Variants in ZNF624 observed in about 807,000 individuals in gnomAD.
ZNF624 encodes zinc finger protein 624.
In ZNF624, 43 loss-of-function variants were observed where a neutral mutation model predicts 74.7. That is an observed-to-expected ratio of 0.58 (90% CI 0.45 to 0.74). ZNF624 has a LOEUF of 0.74. Ranked by LOEUF, ZNF624 falls within the 30% of genes least tolerant of loss-of-function variation. ZNF624 has a pLI of 0.00. For synonymous variants in ZNF624, 331 were observed against 341.3 expected, an observed-to-expected ratio of 0.97 and a Z score of 0.33; for missense variants, 820 against 1,030.0, an observed-to-expected ratio of 0.80 and a Z score of 2.79.
At chr17:16,634,016 ATTCAGTCTCAGTTC>A in intron 4 of ZNF624, 59 bp from the exon 5 acceptor site, 1 of 1,370,696 alleles carries the variant, frequency 7.3e-7, no homozygotes, top group Non-Finnish European at 1.0e-6. Flanking sequence ...CTCCTGCCAA[ATTCAGTCTCAGTTC>A]TTAATCTTCT....
chr17:16,630,777 C>A (rs1909188399), intron 5 of ZNF624, among the ~76,000 whole-genome samples: 1 of 152,008 alleles, frequency 6.6e-6, no homozygotes, highest in African/African-American at 2.4e-5. Flanking sequence ...ATTTACCATA[C>A]AGATAACAAT....
intron 1 of ZNF624, among the ~76,000 whole-genome samples, chr17:16,650,870 C>T (rs940330547): frequency 1.3e-5 from 2 of 152,272 alleles, no homozygotes; most frequent in East Asian, 1.9e-4. Context: ...CTTCTCATAA[C>T]GTTCAGTAGC....
chr17:16,645,696 A>G (rs1292544505), intron 3 of ZNF624, among the ~76,000 whole-genome samples: 1 of 151,684 alleles, frequency 6.6e-6, no homozygotes, highest in African/African-American at 2.4e-5. Flanking sequence ...TCATGCCTGT[A>G]ATCCCAGCAT....
At chr17:16,624,632 T>A in intron 5 of ZNF624, 123 bp from the exon 6 acceptor site, 1 of 929,988 alleles carries the variant, frequency 1.1e-6, no homozygotes, top group Non-Finnish European at 1.5e-6. Context: ...GCTTTCACAC[T>A]GACTTGTTTT....
chr17:16,648,868 C>T (rs1909654127), intron 2 of ZNF624, among the ~76,000 whole-genome samples: 1 of 152,146 alleles, frequency 6.6e-6, no homozygotes, highest in African/African-American at 2.4e-5. Flanking sequence ...CAAGCTCACC[C>T]ACTGTTCTCT....
intron 5 of ZNF624, among the ~76,000 whole-genome samples, chr17:16,633,616 A>G (rs1185355677): frequency 6.6e-6 from 1 of 152,192 alleles, no homozygotes; most frequent in Admixed American, 6.5e-5. Context: ...AAATAAAATA[A>G]TAATTACGAA....
chr17:16,644,117 G>T (rs535541602), intron 3 of ZNF624, among the ~76,000 whole-genome samples: 1 of 152,124 alleles, frequency 6.6e-6, no homozygotes, highest in African/African-American at 2.4e-5. Flanking sequence ...CCTTTTCACT[G>T]TGAATGGAAG....
chr17:16,617,863 C>T, downstream of ZNF624: 1 of 1,608,368 alleles, frequency 6.2e-7, no homozygotes, highest in East Asian at 2.2e-5. Context: ...CTTAGGCGTC[C>T]TATGTAGACG....
At position 16,622,238 on chromosome 17, in the gene ZNF624, AT is replaced by A; in HGVS notation, c.*49del. The A allele has an allele frequency of 2.2e-6, 3 of 1,382,528 alleles. No homozygotes were observed. Among genetic ancestry groups the A allele is most frequent in the Non-Finnish European group, 1.9e-6 (2 of 1,031,336 alleles). The allele number at this position is 1,382,528 out of a possible 1,614,324, so 85.6% of individuals were successfully genotyped here. On this transcript the variant is annotated 3_prime_UTR_variant, in exon 6 of 6. Transcript: ENST00000311331. Reference sequence around the variant, plus strand: ...TTCCTATATTCATAAAATATAGTTTATAAGATTCATCTTGTGGAGTTGACAT... The same window carrying A: ...TTCCTATATTCATAAAATATAGTTTAAAGATTCATCTTGTGGAGTTGACAT...
intron 5 of ZNF624, among the ~76,000 whole-genome samples, chr17:16,632,005 C>A (rs529407429): frequency 1.1e-4 from 16 of 152,288 alleles, no homozygotes; most frequent in African/African-American, 3.4e-4. Context: ...ACACTTTTCC[C>A]AATAAAAGCT....
At chr17:16,631,181 A>G (rs1399213060) in intron 5 of ZNF624, among the ~76,000 whole-genome samples, 2 of 152,212 alleles carry the variant, frequency 1.3e-5, no homozygotes, top group African/African-American at 2.4e-5. Flanking sequence ...AAAAGATATC[A>G]CAATAGAAAT....
At chr17:16,617,466 C>T (rs558365377), downstream of ZNF624, 53 of 1,609,636 alleles carry the variant, frequency 3.3e-5, no homozygotes, top group East Asian at 8.5e-4. Flanking sequence ...TGTGGGCATC[C>T]GCACAGGTTA....
At position 16,622,704 on chromosome 17, in the gene ZNF624, CA is replaced by C. The variant is rs1197331843; in HGVS notation, c.2181del (p.Asn727LysfsTer69). ...THTGEKPFKC[N>X]DCGKAFSQMV... ...ATCTGGCTAAATGCTTTCCCACAGTCATTACATTTAAATGGTTTCTCTCCAG... is the reference window on the plus strand; with the variant it reads ...ATCTGGCTAAATGCTTTCCCACAGTCTTACATTTAAATGGTTTCTCTCCAG... On this transcript the variant is annotated frameshift_variant, in exon 6 of 6. Transcript: ENST00000311331. LOFTEE classifies it high-confidence loss of function. 1 of 1,613,856 alleles carries C rather than the reference CA, an allele frequency of 6.2e-7. No homozygotes were observed. Among genetic ancestry groups the C allele is most frequent in the East Asian group, 2.2e-5 (1 of 44,870 alleles).
chr17:16,617,154 A>G, downstream of ZNF624: 1 of 1,612,982 alleles, frequency 6.2e-7, no homozygotes, highest in Non-Finnish European at 8.5e-7. Flanking sequence ...TCTTTGATCT[A>G]GATTTCCTGC....
downstream of ZNF624, among the ~76,000 whole-genome samples, chr17:16,619,435 T>C (rs1569038686): frequency 6.6e-6 from 1 of 152,086 alleles, no homozygotes; most frequent in African/African-American, 2.4e-5. Context: ...ATATGTGTAA[T>C]ACAAACATCT....
intron 5 of ZNF624, chr17:16,624,720 TA>T (rs931175749): frequency 4.2e-6 from 2 of 480,974 alleles, no homozygotes; most frequent in Non-Finnish European, 7.2e-6. Context: ...ACTTTCCCGT[TA>T]AAAAAGTCCA....
downstream of ZNF624, among the ~76,000 whole-genome samples, chr17:16,619,084 A>C (rs1195882776): frequency 6.6e-6 from 1 of 152,264 alleles, no homozygotes; most frequent in Non-Finnish European, 1.5e-5. Flanking sequence ...ACTAACATGC[A>C]TGATCATCGG....
chr17:16,622,887 G>T lies in ZNF624; in HGVS notation c.1999C>A (p.Pro667Thr). The change falls in exon 6 of 6, where the codon CCA (proline) becomes ACA (threonine). Residue 667 changes from proline to threonine, a missense_variant. Physicochemically the swap from Pro to Thr is conservative, Grantham distance 38 (BLOSUM62 -1). Coordinates refer to ENST00000311331, the MANE Select transcript of ZNF624 (RefSeq NM_020787.4). ...TTCTCACATTCATTACATTTATATG[G>T]TTTTTCTCCAGTATGGGTCCTCTGA... Reference protein sequence around the residue: ...VHQRTHTGEKPYKCNECEKAF... With the variant: ...VHQRTHTGEKTYKCNECEKAF... The T allele has an allele frequency of 6.2e-7, 1 of 1,613,930 alleles. No homozygotes were observed. Among genetic ancestry groups the T allele is most frequent in the Non-Finnish European group, 8.5e-7 (1 of 1,179,940 alleles).
At chr17:16,639,875 G>A (rs1289026491) in intron 3 of ZNF624, among the ~76,000 whole-genome samples, 1 of 151,970 alleles carries the variant, frequency 6.6e-6, no homozygotes, top group Non-Finnish European at 1.5e-5. Flanking sequence ...ATAACTAGCT[G>A]GTTTTCAACA....
Sources: allele counts gnomAD v4.1 joint callset (sites outside exome capture counted in the v4.1 genomes callset), GRCh38; gene constraint gnomAD v4.1.1; transcripts MANE v1.5; gene names NCBI Gene and HGNC (gene_info 2026-07-23, HGNC 2026-07-21).